Variants in CFAP70 observed in about 807,000 individuals in gnomAD.
CFAP70 encodes cilia- and flagella-associated protein 70.
In CFAP70, 81 loss-of-function variants were observed where a neutral mutation model predicts 137.6. That is an observed-to-expected ratio of 0.59 (90% CI 0.49 to 0.71). The LOEUF (loss-of-function observed/expected upper bound fraction) is 0.71, where lower values mean the gene tolerates loss of function less well. Ranked by LOEUF, CFAP70 falls within the 30% of genes least tolerant of loss-of-function variation. The pLI is 0.00. For missense variants in CFAP70, 976 were observed against 1,226.7 expected, an observed-to-expected ratio of 0.80 and a Z score of 3.05; for synonymous variants, 382 against 423.6, an observed-to-expected ratio of 0.90 and a Z score of 1.20.
intron 9 of CFAP70, among the ~76,000 whole-genome samples, chr10:73,315,961 T>G (rs1386258932): frequency 6.6e-6 from 1 of 152,172 alleles, no homozygotes; most frequent in Non-Finnish European, 1.5e-5. Context: ...TTCAATTCTG[T>G]TGGGTTTTGC....
At chr10:73,286,165 C>T (rs1007839450) in intron 19 of CFAP70, among the ~76,000 whole-genome samples, 1 of 152,128 alleles carries the variant, frequency 6.6e-6, no homozygotes, top group Non-Finnish European at 1.5e-5. Context: ...AAATCCTTGG[C>T]CTGGCGCGGT....
At position 73,272,912 on chromosome 10, in the gene CFAP70, GCCTTCAT is replaced by G. The variant is rs1165992411; in HGVS notation, c.2925+9_2925+15del. On this transcript the variant is annotated intron_variant, in intron 24 of 26. Coordinates refer to ENST00000310715, the Ensembl canonical transcript of CFAP70. ...GCTGTATCCACAGCCCTAGTCTCAAGCCTTCATCCTCTTACCCGATAGCAGGCGATTC... is the reference window on the plus strand; with the variant it reads ...GCTGTATCCACAGCCCTAGTCTCAAGCCTCTTACCCGATAGCAGGCGATTC... 1 of 1,550,116 alleles carries G rather than the reference GCCTTCAT, an allele frequency of 6.5e-7. No homozygotes were observed. Among genetic ancestry groups the G allele is most frequent in the Non-Finnish European group, 8.7e-7 (1 of 1,145,528 alleles).
intron 25 of CFAP70, among the ~76,000 whole-genome samples, chr10:73,262,046 T>TTATATATTATATATGTATATATG (rs1195311368): frequency 1.4e-5 from 2 of 143,938 alleles, no homozygotes; most frequent in Admixed American, 7.0e-5. Flanking sequence ...TATGTATATA[T>TTATATATTATATATGTATATATG]TATATATTAT....
intron 12 of CFAP70, among the ~76,000 whole-genome samples, chr10:73,307,865 C>T (rs1475175999): frequency 6.6e-6 from 1 of 151,296 alleles, no homozygotes; most frequent in Non-Finnish European, 1.5e-5. Flanking sequence ...AGGATTTGGG[C>T]CGGGCATGGT....
chr10:73,304,306 G>A (rs567048242), intron 12 of CFAP70, among the ~76,000 whole-genome samples: 12 of 152,224 alleles, frequency 7.9e-5, no homozygotes, highest in East Asian at 3.9e-4. Context: ...CACCTGCCTC[G>A]GCCTCTCAAA....
chr10:73,275,315 A>C lies in CFAP70; in HGVS notation c.2673+131T>G. 9.6e-7 allele frequency: 1 copy of C among 1,046,566 alleles called. No individual in the cohort carries two copies. The highest frequency in any genetic ancestry group is 1.4e-6 in the Non-Finnish European group (1 of 729,466). 64.8% of individuals were successfully genotyped at this position (1,046,566 alleles called of 1,614,324 possible). On this transcript the variant is annotated intron_variant, in intron 22 of 26. Coordinates refer to ENST00000310715, the Ensembl canonical transcript of CFAP70. The surrounding 1 kb of genome is among the most constrained non-coding windows in gnomAD (Gnocchi z 4.0). The stretch of plus-strand genomic sequence containing the variant: ...ACTTAAGAAAAGCAAATGGAAGGGT[A>C]TAGAGAGATGAGTTTACTGACAGCT...
chr10:73,291,935 T>G, exon 17 of CFAP70: 4 of 1,614,244 alleles, frequency 2.5e-6, no homozygotes, highest in Non-Finnish European at 3.4e-6. Flanking sequence ...CTCTTGTGCT[T>G]TGATGTTGTC....
At position 73,275,408 on chromosome 10, in the gene CFAP70, C is replaced by T; in HGVS notation, c.2673+38G>A. 6.5e-7 allele frequency: 1 copy of T among 1,542,512 alleles called. No homozygotes were observed. The highest frequency in any genetic ancestry group is 2.3e-5 in the East Asian group (1 of 43,272). On this transcript the variant is annotated intron_variant, in intron 22 of 26. Coordinates refer to ENST00000310715, the Ensembl canonical transcript of CFAP70. This position sits in a 1 kb window ranked among gnomAD's most constrained non-coding sequence, Gnocchi z 4.0. ...GCATCACCACCTTTAAATAAAGCCC[C>T]TTCTCCAGACTCAAGAGGCTTTAGC...
intron 12 of CFAP70, among the ~76,000 whole-genome samples, chr10:73,306,815 A>G (rs928141536): frequency 2.0e-5 from 3 of 152,218 alleles, no homozygotes; most frequent in African/African-American, 7.2e-5. Context: ...ACAGTTTGAT[A>G]ACAGGACCTA....
chr10:73,256,225 G>T, intron 26 of CFAP70, 144 bp downstream of exon 27: 1 of 830,926 alleles, frequency 1.2e-6, no homozygotes. Flanking sequence ...AAACCCAGCA[G>T]CCCCACGATA....
intron 8 of CFAP70, among the ~76,000 whole-genome samples, chr10:73,325,464 G>A (rs1294938061): frequency 2.6e-5 from 4 of 152,132 alleles, no homozygotes; most frequent in South Asian, 2.1e-4. Context: ...TCATAATGAC[G>A]GGATCAAGTT....
chr10:73,335,573 T>C, intron 6 of CFAP70, 49 bp from the exon 8 acceptor site: 1 of 1,373,498 alleles, frequency 7.3e-7, no homozygotes, highest in South Asian at 1.2e-5. Flanking sequence ...CATGACTTCA[T>C]TCTGCTCCAT....
chr10:73,345,800 A>T (rs2053647108), intron 4 of CFAP70, among the ~76,000 whole-genome samples: 1 of 152,196 alleles, frequency 6.6e-6, no homozygotes, highest in South Asian at 2.1e-4. Context: ...TCCATCTCAA[A>T]AAAAACAAAA....
intron 25 of CFAP70, among the ~76,000 whole-genome samples, chr10:73,258,902 T>G (rs1362726271): frequency 6.6e-6 from 1 of 152,196 alleles, no homozygotes; most frequent in Non-Finnish European, 1.5e-5. Flanking sequence ...CCCTGTCTCC[T>G]GATAAGATGT....
intron 25 of CFAP70, among the ~76,000 whole-genome samples, 175 bp downstream of exon 26, chr10:73,269,439 T>C (rs1474738068): frequency 6.6e-6 from 1 of 152,212 alleles, no homozygotes. Context: ...TTAAGCATGT[T>C]CCAAGTACAG....
intron 7 of CFAP70, among the ~76,000 whole-genome samples, chr10:73,334,619 C>CA (rs2052454589): frequency 6.7e-6 from 1 of 149,982 alleles, no homozygotes; most frequent in Non-Finnish European, 1.5e-5. Flanking sequence ...CTCACTCTGT[C>CA]GCCAGGCTGG....
At chr10:73,280,687 T>G (rs2047192522) in intron 19 of CFAP70, among the ~76,000 whole-genome samples, 1 of 152,218 alleles carries the variant, frequency 6.6e-6, no homozygotes, top group South Asian at 2.1e-4. Context: ...TCATTTAAGT[T>G]GTTAAATTTG....
chr10:73,352,274 G>A (rs2132537209), intron 3 of CFAP70, among the ~76,000 whole-genome samples: 1 of 152,318 alleles, frequency 6.6e-6, no homozygotes, highest in South Asian at 2.1e-4. Flanking sequence ...CATCACTAGG[G>A]TAATGGAGAA....
At chr10:73,328,578 T>A (rs200390987) in intron 8 of CFAP70, among the ~76,000 whole-genome samples, 1,750 of 128,802 alleles carry the variant, frequency 0.014, 15 homozygotes, top group East Asian at 0.054. Context: ...GAAAATTTTC[T>A]CAACCTACTC....
Sources: allele counts gnomAD v4.1 joint callset (sites outside exome capture counted in the v4.1 genomes callset), GRCh38; gene constraint gnomAD v4.1.1; non-coding constraint Gnocchi (gnomAD v3.1); transcripts MANE v1.5; gene names NCBI Gene and HGNC (gene_info 2026-07-23, HGNC 2026-07-21).